MUC12: variants seen among roughly 807,000 people sequenced by gnomAD.
The protein encoded by MUC12 is mucin-12.
Under a neutral mutation model 230.8 loss-of-function variants are expected in MUC12, and 172 were observed. That is an observed-to-expected ratio of 0.75 (90% CI 0.66 to 0.85). The LOEUF is 0.85. MUC12 is among the 40% of genes least tolerant of loss of function. The pLI is 0.00. For synonymous variants in MUC12, 1,259 were observed against 2,401.9 expected, an observed-to-expected ratio of 0.52 and a Z score of 13.91; for missense variants, 3,506 against 5,920.6, an observed-to-expected ratio of 0.59 and a Z score of 13.38.
intron 7 of MUC12, 39 bp from the exon 8 acceptor site, chr7:101,012,941 T>C (rs917109428): frequency 2.6e-6 from 4 of 1,537,140 alleles, no homozygotes; most frequent in Non-Finnish European, 3.5e-6. Flanking sequence ...TGGGATGCTT[T>C]GGCCAGGCTC....
Position 101,002,742 on chromosome 7 carries a change from A to T in MUC12, c.12179A>T (p.His4060Leu). ...ACCCACAGCAGCACTGGCTCGCTAC[A>T]CACAACACTGACCCCTGCCAGCTCC... ...TPTHSSTGSL[H>L]TTLTPASSTS... The change falls in exon 2 of 12, where the codon CAC (histidine) becomes CTC (leucine). Residue 4060 changes from histidine to leucine, a missense_variant. Transcript: ENST00000536621. 6.6e-7 allele frequency: 1 copy of T among 1,506,824 alleles called. No individual in the cohort carries two copies. The highest frequency in any genetic ancestry group is 8.9e-7 in the Non-Finnish European group (1 of 1,122,694). 93.3% of individuals were successfully genotyped at this position (1,506,824 alleles called of 1,614,324 possible).
In MUC12 at chr7:101,018,588, C is replaced by G; in HGVS notation, c.15967-7C>G. The G allele has an allele frequency of 6.5e-7, 1 of 1,536,092 alleles. No homozygotes were observed. Among genetic ancestry groups the G allele is most frequent in the East Asian group, 2.5e-5 (1 of 40,746 alleles). ...CTTGGCCTCACCTCTTCTCTCCCGTCCCCCAGCTCCACATCCAGAGGCCGG... is the reference window on the plus strand; with the variant it reads ...CTTGGCCTCACCTCTTCTCTCCCGTGCCCCAGCTCCACATCCAGAGGCCGG... On this transcript the variant is annotated splice_region_variant and splice_polypyrimidine_tract_variant and intron_variant, in intron 11 of 11. Coordinates refer to ENST00000536621, the MANE Select transcript of MUC12 (RefSeq NM_001164462.2).
chr7:101,009,303 G>C, intron 5 of MUC12, 144 bp downstream of exon 5: 1 of 801,694 alleles, frequency 1.2e-6, no homozygotes, highest in Non-Finnish European at 2.0e-6. Flanking sequence ...ACTGGGGGCT[G>C]TGACACCTTT....
intron 3 of MUC12, among the ~76,000 whole-genome samples, chr7:101,007,312 G>A (rs1045803273): frequency 1.3e-5 from 2 of 152,174 alleles, no homozygotes; most frequent in Non-Finnish European, 2.9e-5. Flanking sequence ...TAGTCACTCT[G>A]TCGTGTTAAA....
rs908255504 is a variant in MUC12 at position 101,004,980 on chromosome 7, C to T, written c.14417C>T (p.Thr4806Ile). The change falls in exon 2 of 12, where the codon ACA becomes ATA. Residue 4806 changes from threonine to isoleucine, a missense_variant. Thr to Ile is a moderately conservative substitution (Grantham distance 89). Coordinates refer to ENST00000536621, the MANE Select transcript of MUC12 (RefSeq NM_001164462.2). ...CACAGTAAGCCAGGCTCAACTGAGA[C>T]AACACTGTCCCCTGGCAGCATCACA... is the stretch of plus-strand genomic sequence containing the variant. ...TFHSKPGSTETTLSPGSITTS... is the reference protein window; with the variant it reads ...TFHSKPGSTEITLSPGSITTS... 12 of 1,537,612 alleles carry T rather than the reference C, an allele frequency of 7.8e-6. No homozygotes were observed. The highest frequency in any genetic ancestry group is 2.0e-5 in the Admixed American group (1 of 50,980).
At chr7:100,969,815 G>A (rs1792814793) in intron 1 of MUC12, 126 bp downstream of exon 1, 1 of 1,377,344 alleles carries the variant, frequency 7.3e-7, no homozygotes, top group Non-Finnish European at 9.9e-7. Flanking sequence ...CTGCCACAGG[G>A]CTGGAGACCC....
intron 1 of MUC12, among the ~76,000 whole-genome samples, chr7:100,987,302 A>G (rs1403947645): frequency 6.6e-6 from 1 of 152,054 alleles, no homozygotes; most frequent in Non-Finnish European, 1.5e-5. Context: ...CCTGACCTCA[A>G]GTGATCTGCC....
rs1386746556 is a variant in MUC12 at position 101,018,594 on chromosome 7, G to A, written c.15967-1G>A. On this transcript the variant is annotated splice_acceptor_variant, in intron 11 of 11. Coordinates refer to ENST00000536621, the MANE Select transcript of MUC12 (RefSeq NM_001164462.2). LOFTEE classifies it high-confidence loss of function. ...CTCACCTCTTCTCTCCCGTCCCCCA[G>A]CTCCACATCCAGAGGCCGGAGATGG... The A allele has an allele frequency of 5.9e-6, 9 of 1,535,614 alleles. No homozygotes were observed. The highest frequency in any genetic ancestry group is 7.9e-6 in the Non-Finnish European group (9 of 1,146,106).
chr7:100,977,074 A>C (rs1285087685), intron 1 of MUC12, among the ~76,000 whole-genome samples: 6 of 111,524 alleles, frequency 5.4e-5, no homozygotes, highest in Non-Finnish European at 9.9e-5. Context: ...AAAAAAAAAA[A>C]AAAAAAAAGA....
intron 10 of MUC12, among the ~76,000 whole-genome samples, chr7:101,016,297 G>A (rs1332493935): frequency 6.6e-6 from 1 of 152,054 alleles, no homozygotes; most frequent in African/African-American, 2.4e-5. Flanking sequence ...GGGGGGTTGA[G>A]GGGCTTTGGC....
chr7:100,989,841 C>T (rs970065950), intron 1 of MUC12, among the ~76,000 whole-genome samples: 6 of 152,132 alleles, frequency 3.9e-5, no homozygotes. Context: ...CAGGTGTACA[C>T]CACCACACCT....
chr7:100,983,575 C>A (rs928009845), intron 1 of MUC12, among the ~76,000 whole-genome samples: 1 of 152,174 alleles, frequency 6.6e-6, no homozygotes, highest in Non-Finnish European at 1.5e-5. Context: ...ACAGGGCCAA[C>A]TGAACAGGGC....
At chr7:101,011,761 T>C (rs1056935206) in intron 5 of MUC12, among the ~76,000 whole-genome samples, 1 of 152,174 alleles carries the variant, frequency 6.6e-6, no homozygotes, top group South Asian at 2.1e-4. Context: ...TATTCCACAA[T>C]AGACCACATT....
intron 5 of MUC12, among the ~76,000 whole-genome samples, chr7:101,010,577 G>A (rs1469779970): frequency 2.0e-5 from 3 of 151,864 alleles, no homozygotes; most frequent in Non-Finnish European, 4.4e-5. Flanking sequence ...GTGCCGTGGT[G>A]CAATCTCGGC....
intron 8 of MUC12, 25 bp downstream of exon 8, chr7:101,013,167 C>T: frequency 6.5e-7 from 1 of 1,536,620 alleles, no homozygotes; most frequent in Non-Finnish European, 8.7e-7. Flanking sequence ...AAGCCCAGCA[C>T]CCACTCTGTC....
Position 101,004,885 on chromosome 7 carries a change from G to A in MUC12, c.14322G>A (p.Glu4774=). 6.5e-7 allele frequency: 1 copy of A among 1,537,568 alleles called. No individual in the cohort carries two copies. The highest frequency in any genetic ancestry group is 8.7e-7 in the Non-Finnish European group (1 of 1,146,986). Reference sequence around the variant, plus strand: ...CCACCAGCTTGTATAGCCAAGCAGAGTCAACACACACAACAGCGTTCCCTG... The same window carrying A: ...CCACCAGCTTGTATAGCCAAGCAGAATCAACACACACAACAGCGTTCCCTG... The part of the protein sequence containing the change: ...GEPTSLYSQA[E]STHTTAFPAS... The change falls in exon 2 of 12, where the codon GAG becomes GAA. Residue 4774 remains glutamate (E), a synonymous_variant. Transcript: ENST00000536621.
Position 100,993,973 on chromosome 7 carries a change from G to T in MUC12, c.3410G>T (p.Gly1137Val). 3 of 1,377,958 alleles carry T rather than the reference G, an allele frequency of 2.2e-6. No homozygotes were observed. Among genetic ancestry groups the T allele is most frequent in the South Asian group, 1.2e-5 (1 of 80,662 alleles). 85.4% of individuals were successfully genotyped at this position (1,377,958 alleles called of 1,614,324 possible). The change falls in exon 2 of 12, where the codon GGT becomes GTT. Residue 1137 changes from glycine to valine, a missense_variant. Gly to Val is a moderately radical substitution (Grantham distance 109). Coordinates refer to ENST00000536621, the MANE Select transcript of MUC12 (RefSeq NM_001164462.2). ...EESTTSRSQP[G>V]STHSTVSPAS... ...TCCACCACCTCCCGTAGCCAACCAG[G>T]TTCTACTCACTCAACAGTGTCACCT...
At chr7:100,975,828 G>C (rs1296836479) in intron 1 of MUC12, among the ~76,000 whole-genome samples, 1 of 152,312 alleles carries the variant, frequency 6.6e-6, no homozygotes, top group Non-Finnish European at 1.5e-5. Context: ...GCTAGGGAGA[G>C]AATTGGGATA....
rs1793294539 is a variant in MUC12, at chr7:100,991,354, C to A, written c.791C>A (p.Ser264Tyr). The A allele has an allele frequency of 1.3e-6, 2 of 1,537,794 alleles. No individual in the cohort carries two copies. Among genetic ancestry groups the A allele is most frequent in the African/African-American group, 1.4e-5 (1 of 73,134 alleles). The change falls in exon 2 of 12, where the codon TCC (serine) becomes TAC (tyrosine). Residue 264 changes from serine to tyrosine, a missense_variant. By Grantham distance (144) the Ser-to-Tyr change is moderately radical. Transcript: ENST00000536621. ...SSTGSPHTTLSPSSSTTHEGE... is the reference protein window; with the variant it reads ...SSTGSPHTTLYPSSSTTHEGE... ...ACTGGATCGCCACACACAACACTGT[C>A]CCCTTCCAGCTCTACAACCCATGAG...
Sources: gnomAD v4.1 joint callset for allele counts (sites outside exome capture counted in the v4.1 genomes callset) on GRCh38, gnomAD v4.1.1 for gene constraint, MANE v1.5 for transcripts, NCBI Gene and HGNC (gene_info 2026-07-23, HGNC 2026-07-21) for gene names.